The following UBE2E2 variants were observed in gnomAD, a reference collection of about 807,000 sequenced individuals.
UBE2E2 encodes the protein ubiquitin conjugating enzyme E2 E2, also known as ubiquitin-conjugating enzyme E2 E2.
A neutral mutation model predicts 24.7 loss-of-function variants in UBE2E2; 6 were observed. The ratio of observed to expected loss-of-function variants is 0.24; its 90% CI spans 0.13 to 0.48. The LOEUF (loss-of-function observed/expected upper bound fraction) is 0.48, where lower values mean the gene tolerates loss of function less well. Ranked by LOEUF, UBE2E2 falls within the 20% of genes least tolerant of loss-of-function variation. The probability of loss-of-function intolerance (pLI) is 0.99; values close to 1 mark genes in which losing one functional copy is unlikely to be tolerated. For missense variants in UBE2E2, 169 were observed against 245.0 expected (o/e 0.69, Z 2.07); for synonymous variants, 104 against 83.6 (o/e 1.24, Z -1.33).
intron 3 of UBE2E2, among the ~76,000 whole-genome samples, chr3:23,473,127 G>A (rs1699062109): frequency 6.6e-6 from 1 of 152,012 alleles, no homozygotes; most frequent in Non-Finnish European, 1.5e-5. Flanking sequence ...GAAGAAGACA[G>A]GGTCTTTAAA....
At chr3:23,219,298 G>A (rs1696562108) in intron 3 of UBE2E2, among the ~76,000 whole-genome samples, 2 of 152,092 alleles carry the variant, frequency 1.3e-5, no homozygotes, top group Non-Finnish European at 2.9e-5. Flanking sequence ...TGTAAAACTG[G>A]TTAATCAACA....
At chr3:23,443,141 T>C (rs1228122677) in intron 3 of UBE2E2, among the ~76,000 whole-genome samples, 1 of 152,166 alleles carries the variant, frequency 6.6e-6, no homozygotes, top group Non-Finnish European at 1.5e-5. Context: ...TTCTCTTTTC[T>C]CTTCCTACTC....
chr3:23,217,402 G>A, intron 3 of UBE2E2, 90 bp downstream of exon 3: 1 of 1,156,336 alleles, frequency 8.6e-7, no homozygotes, highest in Admixed American at 1.9e-5. Flanking sequence ...GTTGTAGTCT[G>A]ATTAATTAGT....
intron 3 of UBE2E2, among the ~76,000 whole-genome samples, chr3:23,312,244 T>C (rs1694425702): frequency 6.6e-6 from 1 of 152,178 alleles, no homozygotes; most frequent in Non-Finnish European, 1.5e-5. Flanking sequence ...CTCTTTTCTT[T>C]ATAAATTACC....
intron 5 of UBE2E2, among the ~76,000 whole-genome samples, chr3:23,579,711 A>AG (rs1308900543): frequency 2.0e-5 from 3 of 152,120 alleles, no homozygotes; most frequent in Non-Finnish European, 4.4e-5. Flanking sequence ...TAAAAAAAAA[A>AG]GAAAAAAGAA....
chr3:23,238,774 A>G (rs1430947304), intron 3 of UBE2E2, among the ~76,000 whole-genome samples: 1 of 152,168 alleles, frequency 6.6e-6, no homozygotes, highest in South Asian at 2.1e-4. Context: ...TATTTCTCCC[A>G]TGGGGACGCT....
chr3:23,227,721 G>A (rs1447919982), intron 3 of UBE2E2, among the ~76,000 whole-genome samples: 1 of 152,170 alleles, frequency 6.6e-6, no homozygotes, highest in Non-Finnish European at 1.5e-5. Flanking sequence ...CAGTTAACAA[G>A]AATGGAATAG....
At chr3:23,237,804 A>G (rs1470123136) in intron 3 of UBE2E2, among the ~76,000 whole-genome samples, 2 of 152,306 alleles carry the variant, frequency 1.3e-5, no homozygotes, top group Middle Eastern at 3.4e-3. Context: ...TTTGAAATGT[A>G]TAAGGCCTTA....
At chr3:23,300,033 A>T (rs1352934174) in intron 3 of UBE2E2, among the ~76,000 whole-genome samples, 7 of 151,270 alleles carry the variant, frequency 4.6e-5, no homozygotes, top group Non-Finnish European at 8.9e-5. Context: ...CTTTACCATT[A>T]TGTAATGGCC....
At chr3:23,464,900 A>G (rs540097144) in intron 3 of UBE2E2, among the ~76,000 whole-genome samples, 99 of 152,348 alleles carry the variant, frequency 6.5e-4, no homozygotes, top group Middle Eastern at 3.4e-3. Flanking sequence ...TCCTAAATAC[A>G]AATCATAAAA....
chr3:23,546,778 A>AT (rs1333895053), intron 5 of UBE2E2, among the ~76,000 whole-genome samples: 2 of 152,064 alleles, frequency 1.3e-5, no homozygotes, highest in Non-Finnish European at 2.9e-5. Context: ...CGGCAAGAAC[A>AT]TTTAGATTTT....
intron 3 of UBE2E2, among the ~76,000 whole-genome samples, chr3:23,443,828 G>A (rs761444778): frequency 3.9e-5 from 6 of 152,082 alleles, no homozygotes; most frequent in South Asian, 4.2e-4. Context: ...TCCATACTAC[G>A]ATATGAGGCC....
chr3:23,269,819 C>T (rs1481884850), intron 3 of UBE2E2, among the ~76,000 whole-genome samples: 2 of 152,096 alleles, frequency 1.3e-5, no homozygotes, highest in African/African-American at 4.8e-5. Flanking sequence ...AAATGATGTG[C>T]AGCTTAATAT....
chr3:23,554,532 A>G (rs1695727336), intron 5 of UBE2E2, among the ~76,000 whole-genome samples: 1 of 152,130 alleles, frequency 6.6e-6, no homozygotes, highest in Non-Finnish European at 1.5e-5. Context: ...TAAAATAAGA[A>G]TGAAATTGGA....
At chr3:23,498,943 T>G (rs952097264) in intron 3 of UBE2E2, among the ~76,000 whole-genome samples, 2 of 152,232 alleles carry the variant, frequency 1.3e-5, no homozygotes, top group African/African-American at 4.8e-5. Flanking sequence ...TCACTTGCTT[T>G]GTTATTAATT....
chr3:23,343,308 G>T (rs1695453737), intron 3 of UBE2E2, among the ~76,000 whole-genome samples: 1 of 152,106 alleles, frequency 6.6e-6, no homozygotes, highest in Non-Finnish European at 1.5e-5. Context: ...AGGAGCAGTG[G>T]CTCACGCGTG....
At chr3:23,530,003 C>T (rs1695085322) in intron 4 of UBE2E2, among the ~76,000 whole-genome samples, 1 of 152,134 alleles carries the variant, frequency 6.6e-6, no homozygotes, top group Non-Finnish European at 1.5e-5. Flanking sequence ...TTTTCATTGT[C>T]ATTCAGCAAT....
At chr3:23,436,374 G>A (rs1400096519) in intron 3 of UBE2E2, among the ~76,000 whole-genome samples, 1 of 152,064 alleles carries the variant, frequency 6.6e-6, no homozygotes, top group Admixed American at 6.5e-5. Context: ...TTAACATTTC[G>A]TTAGTAATTG....
chr3:23,241,210 T>A (rs563762301), intron 3 of UBE2E2, among the ~76,000 whole-genome samples: 6 of 152,312 alleles, frequency 3.9e-5, no homozygotes, highest in African/African-American at 1.4e-4. Flanking sequence ...GTTTTTGTCC[T>A]ACCTTCAGAA....
Sources: allele counts gnomAD v4.1 joint callset (sites outside exome capture counted in the v4.1 genomes callset), GRCh38; gene constraint gnomAD v4.1.1; transcripts MANE v1.5; gene names NCBI Gene and HGNC (gene_info 2026-07-23, HGNC 2026-07-21).